The following NEB variants were observed in gnomAD, a reference collection of about 807,000 sequenced individuals.
NEB encodes nemaline myopathy type 2.
In NEB, 512 loss-of-function variants were observed where a neutral mutation model predicts 952.2. The ratio of observed to expected loss-of-function variants is 0.54; its 90% CI spans 0.50 to 0.58. The LOEUF (loss-of-function observed/expected upper bound fraction) is 0.58. Ranked by LOEUF, NEB falls within the 20% of genes least tolerant of loss-of-function variation. The pLI is 0.00. For synonymous variants in NEB, 2,900 were observed against 3,149.8 expected, an observed-to-expected ratio of 0.92 and a Z score of 2.66; for missense variants, 8,428 against 9,231.1, an observed-to-expected ratio of 0.91 and a Z score of 3.56.
intron 75 of NEB, among the ~76,000 whole-genome samples, chr2:151,616,549 CTG>C (rs2098203450): frequency 6.6e-6 from 1 of 152,122 alleles, no homozygotes. Flanking sequence ...CAATAATTAA[CTG>C]GGCATGGTAG....
chr2:151,546,558 T>TA, intron 133 of NEB, 115 bp from the exon 134 acceptor site: 1 of 87,180 alleles, frequency 1.1e-5, no homozygotes, highest in Non-Finnish European at 2.1e-5. Flanking sequence ...GTTCATCTAC[T>TA]TTTTTTTTTT....
At chr2:151,541,230 T>C (rs1181677779) in intron 136 of NEB, among the ~76,000 whole-genome samples, 5 of 152,168 alleles carry the variant, frequency 3.3e-5, no homozygotes, top group Non-Finnish European at 5.9e-5. Flanking sequence ...TTTATAACAC[T>C]TAGGAAAGAA....
At position 151,493,966 on chromosome 2, in the gene NEB, T is replaced by A. The variant is rs771647581; in HGVS notation, c.24580-99A>T. 3.2e-6 allele frequency: 3 copies of A among 939,558 alleles called. No homozygotes were observed. The East Asian group carries it at 7.9e-5, about 25-fold the overall frequency. 58.2% of individuals were successfully genotyped at this position (939,558 alleles called of 1,614,324 possible). A position where few individuals can be genotyped will look rare whatever the true frequency, so the allele number is the denominator to read the frequency against. ...GGAAATGTTATGTTTAATCTATTAC[T>A]ATTAGTGAGAACACCTCTCAAGAAG... On this transcript the variant is annotated intron_variant, in intron 174 of 181. Transcript: ENST00000397345.
chr2:151,538,265 T>C (rs1179112984), intron 138 of NEB, 21 bp from the exon 139 acceptor site: 1 of 1,542,686 alleles, frequency 6.5e-7, no homozygotes, highest in East Asian at 2.2e-5. Flanking sequence ...AAAAAACACA[T>C]GAATTACAAA....
intron 10 of NEB, 92 bp downstream of exon 10, chr2:151,717,324 T>A: frequency 1.1e-6 from 1 of 879,472 alleles, no homozygotes. Context: ...TTGTGTTTTA[T>A]CTTCAGTCTC....
At chr2:151,531,302 T>A (rs944324608) in intron 144 of NEB, among the ~76,000 whole-genome samples, 1 of 145,846 alleles carries the variant, frequency 6.9e-6, no homozygotes, top group Non-Finnish European at 1.5e-5. Flanking sequence ...CTCTCTTTTT[T>A]TCTTTCTTTT....
chr2:151,666,509 A>G (rs2099218969), intron 40 of NEB, 108 bp from the exon 41 acceptor site: 1 of 1,085,236 alleles, frequency 9.2e-7, no homozygotes, highest in African/African-American at 1.6e-5. Flanking sequence ...GAATCTAGGT[A>G]ACATCGAAGT....
chr2:151,667,995 A>T (rs2099241401), intron 39 of NEB, 84 bp from the exon 40 acceptor site: 9 of 1,021,476 alleles, frequency 8.8e-6, no homozygotes, highest in Non-Finnish European at 1.3e-5. Context: ...CTTATAAAAC[A>T]TGTCGTAATA....
At chr2:151,508,960 C>A (rs1161932961) in intron 161 of NEB, among the ~76,000 whole-genome samples, 1 of 152,208 alleles carries the variant, frequency 6.6e-6, no homozygotes, top group Non-Finnish European at 1.5e-5. Context: ...TGTCACTGTC[C>A]TTTCACTTTT....
intron 168 of NEB, among the ~76,000 whole-genome samples, chr2:151,500,174 T>C (rs1038477184): frequency 2.0e-5 from 3 of 152,186 alleles, no homozygotes; most frequent in East Asian, 3.8e-4. Flanking sequence ...ATTGAAGGAT[T>C]GTTAGTGAAT....
At chr2:151,568,793 AG>A (rs2096525989) in intron 110 of NEB, 77 bp from the exon 111 acceptor site, 10 of 1,035,292 alleles carry the variant, frequency 9.7e-6, no homozygotes, top group Non-Finnish European at 1.4e-5. Flanking sequence ...CTAAATTTAG[AG>A]TCCTTCTCTA....
intron 145 of NEB, among the ~76,000 whole-genome samples, chr2:151,529,517 A>T (rs1208579823): frequency 6.6e-6 from 1 of 151,496 alleles, no homozygotes; most frequent in African/African-American, 2.4e-5. Context: ...GACTATGGTC[A>T]TCAGTGTTGC....
At chr2:151,611,351 T>A (rs1411320178) in intron 78 of NEB, among the ~76,000 whole-genome samples, 1 of 152,186 alleles carries the variant, frequency 6.6e-6, no homozygotes, top group Non-Finnish European at 1.5e-5. Context: ...CCATAACATA[T>A]ATAAAATGCC....
chr2:151,509,613 G>T (rs1326977045), intron 161 of NEB, among the ~76,000 whole-genome samples: 2 of 148,708 alleles, frequency 1.3e-5, no homozygotes, highest in African/African-American at 4.9e-5. Flanking sequence ...AGGAAGAGAG[G>T]TTTTTTTTTT....
At chr2:151,613,979 G>A (rs757741363) in intron 77 of NEB, among the ~76,000 whole-genome samples, 46 of 152,198 alleles carry the variant, frequency 3.0e-4, no homozygotes, top group Admixed American at 2.2e-3. Flanking sequence ...TGTTGCTGAT[G>A]TCTTAAAGTA....
rs1470812870 is a variant in NEB at position 151,567,490 on chromosome 2, G to A, written c.17845-11C>T. 1.9e-6 allele frequency: 3 copies of A among 1,591,706 alleles called. No homozygotes were observed. The highest frequency in any genetic ancestry group is 2.3e-5 in the East Asian group (1 of 44,162). ...AGCTTTGTATTTCAGCTGGCGAGAA[G>A]AGGAATATAAATTCCATCAGTTTTG... On this transcript the variant is annotated splice_polypyrimidine_tract_variant and intron_variant, in intron 113 of 181. Transcript: ENST00000397345.
chr2:151,649,946 T>G (rs2099012108), intron 54 of NEB, among the ~76,000 whole-genome samples: 1 of 152,192 alleles, frequency 6.6e-6, no homozygotes, highest in Non-Finnish European at 1.5e-5. Context: ...CCCATTATAT[T>G]TTGGTTAAAT....
chr2:151,718,551 G>A (rs575041402), intron 9 of NEB, among the ~76,000 whole-genome samples: 5 of 152,040 alleles, frequency 3.3e-5, no homozygotes, highest in South Asian at 4.2e-4. Context: ...GTGAAGAAAC[G>A]CTACACACTT....
chr2:151,504,818 G>A (rs1416074251), intron 165 of NEB, among the ~76,000 whole-genome samples: 1 of 152,098 alleles, frequency 6.6e-6, no homozygotes, highest in Non-Finnish European at 1.5e-5. Flanking sequence ...CAGGTGTGGG[G>A]GACACGTGCC....
Sources: gnomAD v4.1 joint callset for allele counts (sites outside exome capture counted in the v4.1 genomes callset) on GRCh38, gnomAD v4.1.1 for gene constraint, MANE v1.5 for transcripts, NCBI Gene and HGNC (gene_info 2026-07-23, HGNC 2026-07-21) for gene names.